TCEA3: variants seen among roughly 807,000 people sequenced by gnomAD.
TCEA3 encodes the protein transcription elongation factor A protein 3.
TCEA3 carries 36 observed loss-of-function variants against 44.0 expected under a neutral mutation model. That is an observed-to-expected ratio of 0.82 (90% confidence interval 0.63 to 1.08). The LOEUF (loss-of-function observed/expected upper bound fraction) is 1.08. TCEA3 is among the 50% of genes least tolerant of loss of function. The pLI is 0.00. For missense variants in TCEA3, 392 were observed against 441.2 expected (o/e 0.89, Z 1.00); for synonymous variants, 162 against 159.7 (o/e 1.01, Z -0.11).
chr1:23,420,827 C>G (rs1250527995), intron 1 of TCEA3, among the ~76,000 whole-genome samples: 1 of 152,122 alleles, frequency 6.6e-6, no homozygotes, highest in African/African-American at 2.4e-5. Flanking sequence ...GCTGCCAGGC[C>G]CTGGACACCC....
intron 7 of TCEA3, among the ~76,000 whole-genome samples, chr1:23,395,819 T>C (rs1398064770): frequency 1.4e-5 from 2 of 145,170 alleles, no homozygotes; most frequent in East Asian, 4.0e-4. Flanking sequence ...CAGAGCAAGA[T>C]TCCATCTCAA....
chr1:23,381,403 A>G lies in TCEA3; in HGVS notation c.*63T>C, dbSNP rs1343238432. On this transcript the variant is annotated 3_prime_UTR_variant, in exon 11 of 11. Transcript: ENST00000450454. ...TCACTTTAATTTTTATTGCTTCTCCAGTTCAGATAATTCAGCGCTTCCTCT... is the reference window on the plus strand; with the variant it reads ...TCACTTTAATTTTTATTGCTTCTCCGGTTCAGATAATTCAGCGCTTCCTCT... 1.3e-6 allele frequency: 1 copy of G among 778,042 alleles called. No individual in the cohort carries two copies. The highest frequency in any genetic ancestry group is 2.4e-6 in the Non-Finnish European group (1 of 417,368). The allele number at this position is 778,042 out of a possible 1,614,324, so 48.2% of individuals were successfully genotyped here.
In TCEA3 at chr1:23,381,272, A is replaced by T; in HGVS notation, c.*194T>A. On this transcript the variant is annotated 3_prime_UTR_variant, in exon 11 of 11. Coordinates refer to ENST00000450454, the MANE Select transcript of TCEA3 (RefSeq NM_003196.3). ...AAATTCTCAGCATCATTCTCCAATT[A>T]GGCTCCCCCATTAACCAATTGTTTC... 1 of 600,008 alleles carries T rather than the reference A, an allele frequency of 1.7e-6. No individual in the cohort carries two copies. The highest frequency in any genetic ancestry group is 2.1e-5 in the South Asian group (1 of 47,522). The allele number at this position is 600,008 out of a possible 1,614,324, so 37.2% of individuals were successfully genotyped here.
chr1:23,411,304 G>A (rs1370393182), intron 4 of TCEA3, among the ~76,000 whole-genome samples: 2 of 152,136 alleles, frequency 1.3e-5, no homozygotes, highest in South Asian at 2.1e-4. Context: ...TTACAGGCAC[G>A]CGCCACCATT....
At chr1:23,384,662 C>CTT (rs11341961) in intron 9 of TCEA3, among the ~76,000 whole-genome samples, 3,451 of 116,456 alleles carry the variant, frequency 0.03, 348 homozygotes, top group African/African-American at 0.11. Flanking sequence ...TGCACTTCCG[C>CTT]TTTTTTTTTT....
chr1:23,415,994 A>AT (rs1639876479), intron 4 of TCEA3, among the ~76,000 whole-genome samples: 1 of 129,478 alleles, frequency 7.7e-6, no homozygotes, highest in African/African-American at 2.9e-5. Context: ...ACTTTTCTAC[A>AT]TTTTCCTTTT....
chr1:23,415,014 CTTTTTTTTTTTTTTT>C (rs59946326), intron 4 of TCEA3, among the ~76,000 whole-genome samples: 1 of 43,116 alleles, frequency 2.3e-5, no homozygotes. Context: ...CTTTACTGTT[CTTTTTTTTTTTTTTT>C]TTTTTTTTTT....
intron 6 of TCEA3, 27 bp downstream of exon 6, chr1:23,397,765 C>T (rs780470825): frequency 1.2e-6 from 2 of 1,613,810 alleles, no homozygotes; most frequent in East Asian, 2.2e-5. Flanking sequence ...TCCTTCCCTC[C>T]CTCATCCCTA....
At chr1:23,409,115 G>A (rs546808607) in intron 4 of TCEA3, among the ~76,000 whole-genome samples, 1 of 152,154 alleles carries the variant, frequency 6.6e-6, no homozygotes, top group Non-Finnish European at 1.5e-5. Context: ...TCTGGAACCA[G>A]AGAAACAGAG....
At chr1:23,421,199 T>C (rs1640055321) in intron 1 of TCEA3, among the ~76,000 whole-genome samples, 1 of 152,206 alleles carries the variant, frequency 6.6e-6, no homozygotes, top group Non-Finnish European at 1.5e-5. Flanking sequence ...ACCTGTATTA[T>C]CTCATTTAAC....
chr1:23,417,814 A>G, intron 3 of TCEA3, 90 bp downstream of exon 3: 1 of 1,209,414 alleles, frequency 8.3e-7, no homozygotes, highest in African/African-American at 1.5e-5. Context: ...CTCAACAGAC[A>G]TACACTGAGT....
chr1:23,408,054 T>G (rs1039343049), intron 5 of TCEA3, among the ~76,000 whole-genome samples: 2 of 152,044 alleles, frequency 1.3e-5, no homozygotes, highest in Non-Finnish European at 2.9e-5. Context: ...CTCTGCCTCC[T>G]GGGTTCAAGC....
intron 10 of TCEA3, chr1:23,383,701 G>A (rs1224251345): frequency 1.0e-6 from 1 of 985,390 alleles, no homozygotes; most frequent in African/African-American, 1.7e-5. Context: ...TCAGAGAGCA[G>A]TTGGAAACTG....
At chr1:23,399,768 C>T (rs573883016) in intron 5 of TCEA3, among the ~76,000 whole-genome samples, 4 of 152,054 alleles carry the variant, frequency 2.6e-5, no homozygotes, top group South Asian at 4.2e-4. Flanking sequence ...CTCCACCTCC[C>T]GGATTCAAGT....
At chr1:23,420,495 C>T (rs1266895323) in intron 1 of TCEA3, among the ~76,000 whole-genome samples, 5 of 152,198 alleles carry the variant, frequency 3.3e-5, no homozygotes, top group African/African-American at 1.2e-4. Flanking sequence ...CCTCCTGCCT[C>T]GGCCTCCCAA....
At chr1:23,413,422 C>T (rs955034147) in intron 4 of TCEA3, among the ~76,000 whole-genome samples, 2 of 151,696 alleles carry the variant, frequency 1.3e-5, no homozygotes, top group African/African-American at 4.8e-5. Flanking sequence ...GCCACTTTGC[C>T]CAGCCCATAT....
rs1293425341 is a variant in TCEA3 at position 23,380,946 on chromosome 1, G to A, written c.*520C>T. On this transcript the variant is annotated 3_prime_UTR_variant, in exon 11 of 11. Coordinates refer to ENST00000450454, the MANE Select transcript of TCEA3 (RefSeq NM_003196.3). ...TGACTCGGAGGTGGGGGTGGGGTAA[G>A]GTTTGTGTTGATCTGGCATTTTTCA... is the stretch of plus-strand genomic sequence containing the variant. The A allele has an allele frequency of 6.4e-6, 1 of 155,276 alleles. No homozygotes were observed. Among genetic ancestry groups the A allele is most frequent in the African/African-American group, 2.4e-5 (1 of 41,440 alleles). 9.6% of individuals were successfully genotyped at this position (155,276 alleles called of 1,614,324 possible).
intron 9 of TCEA3, 62 bp from the exon 10 acceptor site, chr1:23,384,479 C>T: frequency 6.4e-7 from 1 of 1,567,462 alleles, no homozygotes; most frequent in South Asian, 1.2e-5. Context: ...CCATGGCTCC[C>T]ACTGTCTTTA....
intron 4 of TCEA3, among the ~76,000 whole-genome samples, chr1:23,415,463 G>A (rs534304498): frequency 2.5e-4 from 38 of 152,180 alleles, no homozygotes; most frequent in Non-Finnish European, 4.9e-4. Context: ...TCCCTCCCCA[G>A]TAGTTCAGCC....
Sources: gnomAD v4.1 joint callset for allele counts (sites outside exome capture counted in the v4.1 genomes callset) on GRCh38, gnomAD v4.1.1 for gene constraint, MANE v1.5 for transcripts, NCBI Gene and HGNC (gene_info 2026-07-23, HGNC 2026-07-21) for gene names.